Variants in SLC15A5 observed in about 807,000 individuals in gnomAD.
SLC15A5 encodes Peptide/histidine transporter ENSP00000340402.
In SLC15A5, 58 loss-of-function variants were observed where a neutral mutation model predicts 56.1. The ratio of observed to expected loss-of-function variants is 1.03; its 90% CI spans 0.84 to 1.29. The LOEUF is 1.29. Among genes scored for constraint, SLC15A5 ranks in the 50% most tolerant of loss-of-function variants. The probability of loss-of-function intolerance (pLI) is 0.00; values close to 1 mark genes in which losing one functional copy is unlikely to be tolerated. For synonymous variants in SLC15A5, 264 were observed against 250.5 expected, an observed-to-expected ratio of 1.05 and a Z score of -0.51; for missense variants, 681 against 672.1, an observed-to-expected ratio of 1.01 and a Z score of -0.15.
At chr12:16,267,417 C>T (rs1864707908) in intron 2 of SLC15A5, among the ~76,000 whole-genome samples, 1 of 116,020 alleles carries the variant, frequency 8.6e-6, no homozygotes, top group South Asian at 3.8e-4. Flanking sequence ...AATATTCTGG[C>T]AGCCAAATAT....
At chr12:16,275,305 G>T (rs1220201177) in intron 1 of SLC15A5, among the ~76,000 whole-genome samples, 1 of 152,002 alleles carries the variant, frequency 6.6e-6, no homozygotes, top group Non-Finnish European at 1.5e-5. Flanking sequence ...AGGGAAGGAG[G>T]CCAGGAGAAG....
At chr12:16,238,436 G>C (rs915389128) in intron 5 of SLC15A5, among the ~76,000 whole-genome samples, 20 of 151,926 alleles carry the variant, frequency 1.3e-4, no homozygotes, top group Middle Eastern at 6.8e-3. Flanking sequence ...GACCATCCTG[G>C]CTTACACAGT....
At chr12:16,250,447 G>T (rs3847922) in intron 3 of SLC15A5, among the ~76,000 whole-genome samples, 35,458 of 151,838 alleles carry the variant, frequency 0.23, 5,193 homozygotes, top group East Asian at 0.35. Context: ...TTTTAAAAAT[G>T]TAACTCATTG....
intron 3 of SLC15A5, among the ~76,000 whole-genome samples, chr12:16,252,484 A>C (rs191136647): frequency 8.5e-5 from 13 of 152,220 alleles, no homozygotes; most frequent in African/African-American, 2.9e-4. Context: ...TCAGCACTCA[A>C]AAATCAGTTG....
intron 3 of SLC15A5, among the ~76,000 whole-genome samples, chr12:16,246,710 AAATAT>A (rs1318176315): frequency 8.5e-5 from 13 of 152,196 alleles, no homozygotes; most frequent in African/African-American, 2.2e-4. Flanking sequence ...AATTTGTATT[AAATAT>A]AATATATTTT....
At chr12:16,247,410 A>G (rs1864472985) in intron 3 of SLC15A5, among the ~76,000 whole-genome samples, 1 of 152,168 alleles carries the variant, frequency 6.6e-6, no homozygotes. Context: ...AGGAGTCAGA[A>G]AACTGTTTTG....
intron 2 of SLC15A5, among the ~76,000 whole-genome samples, chr12:16,258,409 C>T (rs1182564194): frequency 6.6e-6 from 1 of 152,120 alleles, no homozygotes; most frequent in African/African-American, 2.4e-5. Flanking sequence ...CATTTTTCTT[C>T]CCAATGATTA....
rs893467262 is a variant in SLC15A5 at position 16,196,359 on chromosome 12, T to C, written c.1484-1906A>G. Among the ~76,000 whole-genome samples, 1 of 152,046 alleles carries C rather than the reference T, an allele frequency of 6.6e-6. No individual in the cohort carries two copies. Among genetic ancestry groups the C allele is most frequent in the African/African-American group, 2.4e-5 (1 of 41,408 alleles). ...GTCTATTGGATATTGTGTAGCCTTT[T>C]TGATGTGTATATGTGTGCTTTTGTG... is the stretch of plus-strand genomic sequence containing the variant. On this transcript the variant is annotated intron_variant, in intron 7 of 8. Transcript: ENST00000344941. This position sits in a 1 kb window ranked among gnomAD's most constrained non-coding sequence, Gnocchi z 4.0.
rs1279025300 is a variant in SLC15A5 at position 16,271,737 on chromosome 12, T to C, written c.584+824A>G. 6.6e-6 allele frequency among the ~76,000 whole-genome samples: 1 copy of C among 152,138 alleles called. No individual in the cohort carries two copies. Among genetic ancestry groups the C allele is most frequent in the Non-Finnish European group, 1.5e-5 (1 of 68,018 alleles). ...AGATAACAAAGAATAACAAAGAAGTTTTATACTAAATTCTTAACTACCCTC... is the reference window on the plus strand; with the variant it reads ...AGATAACAAAGAATAACAAAGAAGTCTTATACTAAATTCTTAACTACCCTC... On this transcript the variant is annotated intron_variant, in intron 2 of 8. Transcript: ENST00000344941. The surrounding 1 kb of genome is among the most constrained non-coding windows in gnomAD (Gnocchi z 8.0).
intron 3 of SLC15A5, among the ~76,000 whole-genome samples, chr12:16,252,661 A>G (rs1207413645): frequency 6.6e-6 from 1 of 152,092 alleles, no homozygotes; most frequent in East Asian, 1.9e-4. Context: ...AGAATATACA[A>G]ATAAATGGAA....
At chr12:16,197,427 G>A (rs907233084) in intron 7 of SLC15A5, among the ~76,000 whole-genome samples, 2 of 85,132 alleles carry the variant, frequency 2.3e-5, no homozygotes, top group African/African-American at 9.4e-5. Context: ...GGTATAAAAA[G>A]ATATAGAAAG....
intron 3 of SLC15A5, among the ~76,000 whole-genome samples, chr12:16,248,934 T>C (rs1216630299): frequency 6.6e-6 from 1 of 152,124 alleles, no homozygotes; most frequent in Non-Finnish European, 1.5e-5. Context: ...ATGAGCTATT[T>C]TAAGTGTTTT....
chr12:16,227,316 C>T (rs1864252200), intron 5 of SLC15A5, among the ~76,000 whole-genome samples: 1 of 152,144 alleles, frequency 6.6e-6, no homozygotes, highest in Admixed American at 6.6e-5. Context: ...TTATTGGACA[C>T]ATTACAGACT....
chr12:16,264,141 G>A (rs1864669595), intron 2 of SLC15A5, among the ~76,000 whole-genome samples: 2 of 152,188 alleles, frequency 1.3e-5, no homozygotes, highest in South Asian at 4.1e-4. Flanking sequence ...AGCCCGTGAA[G>A]GCAGCTGGGA....
chr12:16,249,139 T>C (rs900735003), intron 3 of SLC15A5, among the ~76,000 whole-genome samples: 5 of 152,042 alleles, frequency 3.3e-5, no homozygotes, highest in African/African-American at 4.8e-5. Flanking sequence ...TAGATGCACA[T>C]TTTTTCTTCT....
At chr12:16,208,549 C>T (rs1198916712) in intron 7 of SLC15A5, among the ~76,000 whole-genome samples, 2 of 152,022 alleles carry the variant, frequency 1.3e-5, no homozygotes, top group South Asian at 2.1e-4. Context: ...TGTGTGCCTA[C>T]GGTCCTACTC....
intron 7 of SLC15A5, among the ~76,000 whole-genome samples, chr12:16,207,652 C>G (rs1864033815): frequency 6.9e-6 from 1 of 145,602 alleles, no homozygotes; most frequent in Non-Finnish European, 1.5e-5. Context: ...ATTTTTTTTT[C>G]TTTTTTTTTT....
chr12:16,267,021 AT>A (rs1431496884), intron 2 of SLC15A5, among the ~76,000 whole-genome samples: 1 of 152,208 alleles, frequency 6.6e-6, no homozygotes, highest in Non-Finnish European at 1.5e-5. Flanking sequence ...TTAGTAATAA[AT>A]TTAAATTACT....
At position 16,257,872 on chromosome 12, in the gene SLC15A5, T is replaced by G. The variant is rs558785009; in HGVS notation, c.585-2A>C. On this transcript the variant is annotated splice_acceptor_variant, in intron 2 of 8. Transcript: ENST00000344941. LOFTEE classifies it high-confidence loss of function. ...TTTAGGTTCATGAGCCAATAAAACC[T>G]GGGGTATACAGACAGACAAAAATAA... 5.4e-6 allele frequency: 8 copies of G among 1,468,984 alleles called. 1 individual carries two copies. The South Asian group carries it at 1.1e-4, about 21-fold the overall frequency. The allele number at this position is 1,468,984 out of a possible 1,614,324, so 91.0% of individuals were successfully genotyped here.
Sources: allele counts gnomAD v4.1 joint callset (sites outside exome capture counted in the v4.1 genomes callset), GRCh38; gene constraint gnomAD v4.1.1; non-coding constraint Gnocchi (gnomAD v3.1); transcripts MANE v1.5; gene names NCBI Gene and HGNC (gene_info 2026-07-23, HGNC 2026-07-21).